SPOPL: variants seen among roughly 807,000 people sequenced by gnomAD.
SPOPL encodes the protein speckle-type POZ protein-like.
A neutral mutation model predicts 53.8 loss-of-function variants in SPOPL; 23 were observed. The ratio of observed to expected loss-of-function variants is 0.43; its 90% CI spans 0.31 to 0.61. The LOEUF (loss-of-function observed/expected upper bound fraction) is 0.61. Among genes scored for constraint, SPOPL ranks in the 20% least tolerant of loss-of-function variants. The pLI, the probability that SPOPL is intolerant of heterozygous loss-of-function variation, is 0.12. For missense variants in SPOPL, 442 were observed against 466.9 expected (o/e 0.95, Z 0.49); for synonymous variants, 164 against 149.7 (o/e 1.10, Z -0.70).
intron 1 of SPOPL, among the ~76,000 whole-genome samples, chr2:138,515,053 T>C (rs997831073): frequency 6.6e-6 from 1 of 152,190 alleles, no homozygotes; most frequent in Admixed American, 6.5e-5. Flanking sequence ...ATCAGATGAT[T>C]CTGGTCACCT....
Position 138,567,372 on chromosome 2 carries a change from A to AGTGTGTGTGTGT in SPOPL, c.1035-1513_1035-1502dup, listed in dbSNP as rs57208490. Among the ~76,000 whole-genome samples, 534 of 113,018 alleles carry AGTGTGTGTGTGT rather than the reference A, an allele frequency of 4.7e-3. 12 individuals carry two copies. Among genetic ancestry groups the AGTGTGTGTGTGT allele is most frequent in the South Asian group, 7.0e-3 (20 of 2,846 alleles). The allele number at this position is 113,018 out of a possible 152,430, so 74.1% of individuals were successfully genotyped here. A position where few individuals can be genotyped will look rare whatever the true frequency, so the allele number is the denominator to read the frequency against. On this transcript the variant is annotated intron_variant, in intron 10 of 10. Coordinates refer to ENST00000280098, the MANE Select transcript of SPOPL (RefSeq NM_001001664.3). The stretch of plus-strand genomic sequence containing the variant: ...TTTTAACAATGAGAAAGAGCAGTAT[A>AGTGTGTGTGTGT]GTGTGTGTGTGTGTGTGTGTGTGTG...
At chr2:138,523,427 CT>C (rs750664745) in intron 1 of SPOPL, among the ~76,000 whole-genome samples, 2 of 152,138 alleles carry the variant, frequency 1.3e-5, no homozygotes, top group Non-Finnish European at 2.9e-5. Context: ...CATTCTGCCC[CT>C]GGCCCCTCTC....
chr2:138,538,858 A>G (rs1275933661), intron 1 of SPOPL, among the ~76,000 whole-genome samples: 3 of 151,772 alleles, frequency 2.0e-5, no homozygotes, highest in African/African-American at 7.3e-5. Context: ...TTAACTCATC[A>G]TTTAACATTA....
At chr2:138,533,393 T>C (rs963065705) in intron 1 of SPOPL, among the ~76,000 whole-genome samples, 2 of 152,190 alleles carry the variant, frequency 1.3e-5, no homozygotes, top group Non-Finnish European at 2.9e-5. Context: ...CTCTCTCATA[T>C]TATCATATTC....
intron 1 of SPOPL, among the ~76,000 whole-genome samples, chr2:138,542,338 T>G (rs1234653557): frequency 6.6e-6 from 1 of 152,186 alleles, no homozygotes; most frequent in Non-Finnish European, 1.5e-5. Flanking sequence ...AGTGGGGTGT[T>G]AAAGTCTCCC....
chr2:138,511,155 A>G (rs966062777), intron 1 of SPOPL, among the ~76,000 whole-genome samples: 3 of 152,196 alleles, frequency 2.0e-5, no homozygotes, highest in Non-Finnish European at 4.4e-5. Flanking sequence ...CATTTTATCA[A>G]TGGCGTTTGA....
At chr2:138,528,948 A>C (rs544988686) in intron 1 of SPOPL, among the ~76,000 whole-genome samples, 3 of 152,306 alleles carry the variant, frequency 2.0e-5, no homozygotes, top group African/African-American at 7.2e-5. Flanking sequence ...ATAAATACTT[A>C]AGCCTGGCAT....
At chr2:138,534,628 A>G (rs964381887) in intron 1 of SPOPL, among the ~76,000 whole-genome samples, 2 of 152,182 alleles carry the variant, frequency 1.3e-5, no homozygotes, top group African/African-American at 2.4e-5. Flanking sequence ...CATAAAATCT[A>G]TCATTTTTAC....
chr2:138,532,593 A>ATTTTTTTT (rs71301784), intron 1 of SPOPL, among the ~76,000 whole-genome samples: 24 of 111,834 alleles, frequency 2.1e-4, no homozygotes, highest in African/African-American at 4.2e-4. Context: ...CGCCCGGCTA[A>ATTTTTTTT]TTTTTTTTTT....
Position 138,566,213 on chromosome 2 carries a change from G to A in SPOPL, c.1034+1220G>A, listed in dbSNP as rs1432191498. On this transcript the variant is annotated intron_variant, in intron 10 of 10. Transcript: ENST00000280098. ...AATTATTGGTTGTCTTGTATAATAC[G>A]TTGGTCAGTGTATGCTAATATGATA... is the stretch of plus-strand genomic sequence containing the variant. 2.6e-5 allele frequency among the ~76,000 whole-genome samples: 4 copies of A among 152,176 alleles called. 1 individual carries two copies. In the East Asian group the frequency reaches 5.8e-4, roughly 22 times the overall value.
At chr2:138,528,478 T>C (rs1378570995) in intron 1 of SPOPL, among the ~76,000 whole-genome samples, 2 of 152,212 alleles carry the variant, frequency 1.3e-5, no homozygotes, top group Non-Finnish European at 2.9e-5. Context: ...TTTCTAACGT[T>C]GTTATTGGTT....
intron 10 of SPOPL, among the ~76,000 whole-genome samples, chr2:138,565,662 T>C (rs1685644713): frequency 6.6e-6 from 1 of 152,204 alleles, no homozygotes; most frequent in African/African-American, 2.4e-5. Context: ...GCATCTGCTT[T>C]TGATTAGTTT....
intron 1 of SPOPL, among the ~76,000 whole-genome samples, chr2:138,537,500 C>T (rs895361245): frequency 1.1e-4 from 16 of 152,170 alleles, no homozygotes; most frequent in Admixed American, 4.6e-4. Context: ...AGGCCCAGGG[C>T]GTGGCATCGG....
intron 1 of SPOPL, among the ~76,000 whole-genome samples, chr2:138,506,668 G>A (rs1262037158): frequency 6.6e-6 from 1 of 152,118 alleles, no homozygotes; most frequent in Non-Finnish European, 1.5e-5. Context: ...TTTCAGGGAA[G>A]GGGGAGGTAT....
chr2:138,506,890 G>A (rs1388198179), intron 1 of SPOPL, among the ~76,000 whole-genome samples: 2 of 152,180 alleles, frequency 1.3e-5, no homozygotes, highest in African/African-American at 4.8e-5. Context: ...GGGGTCTTAT[G>A]AGTAAGCCCT....
chr2:138,544,087 T>A (rs1685135069), intron 1 of SPOPL, among the ~76,000 whole-genome samples: 1 of 152,198 alleles, frequency 6.6e-6, no homozygotes, highest in Admixed American at 6.5e-5. Flanking sequence ...TAATCGTTCC[T>A]CTGGAAGTTT....
At chr2:138,562,610 C>T (rs1685573094) in intron 8 of SPOPL, among the ~76,000 whole-genome samples, 1 of 151,638 alleles carries the variant, frequency 6.6e-6, no homozygotes, top group African/African-American at 2.4e-5. Flanking sequence ...CATGGTGAAC[C>T]CTGTCTCTAC....
At chr2:138,510,748 G>A (rs1333636818) in intron 1 of SPOPL, among the ~76,000 whole-genome samples, 6 of 152,074 alleles carry the variant, frequency 3.9e-5, no homozygotes, top group Non-Finnish European at 8.8e-5. Context: ...TGTTTTTTCA[G>A]CTGTCATTTG....
chr2:138,509,910 T>C (rs1383680270), intron 1 of SPOPL, among the ~76,000 whole-genome samples: 2 of 152,214 alleles, frequency 1.3e-5, no homozygotes, highest in Non-Finnish European at 2.9e-5. Context: ...CCTAGGTCTA[T>C]TCATTCTTCC....
Sources: allele counts gnomAD v4.1 joint callset (sites outside exome capture counted in the v4.1 genomes callset), GRCh38; gene constraint gnomAD v4.1.1; transcripts MANE v1.5; gene names NCBI Gene and HGNC (gene_info 2026-07-23, HGNC 2026-07-21).